MYO3A: variants seen among roughly 807,000 people sequenced by gnomAD.
The protein encoded by MYO3A is myosin-IIIa.
In MYO3A, 180 loss-of-function variants were observed where a neutral mutation model predicts 192.7. The observed-to-expected ratio is 0.93, with a 90% CI of 0.83 to 1.06. MYO3A has a LOEUF of 1.06. Among genes scored for constraint, MYO3A ranks in the 50% least tolerant of loss-of-function variants. MYO3A has a pLI of 0.00. For missense variants in MYO3A, 1,896 were observed against 1,905.0 expected, an observed-to-expected ratio of 1.00 and a Z score of 0.09; for synonymous variants, 628 against 645.3, an observed-to-expected ratio of 0.97 and a Z score of 0.41.
At chr10:26,005,920 G>A (rs1182044812) in intron 6 of MYO3A, among the ~76,000 whole-genome samples, 1 of 151,950 alleles carries the variant, frequency 6.6e-6, no homozygotes, top group Admixed American at 6.6e-5. Flanking sequence ...TATTTGAAAG[G>A]CAAGGTCTTT....
At chr10:26,054,474 A>T (rs1164962788) in intron 10 of MYO3A, among the ~76,000 whole-genome samples, 1 of 152,086 alleles carries the variant, frequency 6.6e-6, no homozygotes, top group African/African-American at 2.4e-5. Context: ...TATTCTGTAC[A>T]TTTTCCATTT....
intron 10 of MYO3A, among the ~76,000 whole-genome samples, chr10:26,032,687 G>A (rs972314180): frequency 3.3e-5 from 5 of 151,938 alleles, no homozygotes; most frequent in East Asian, 1.9e-4. Context: ...CTTATTAGGC[G>A]TGGGACTTTA....
chr10:26,165,813 G>C, intron 26 of MYO3A: 1 of 566,362 alleles, frequency 1.8e-6, no homozygotes, highest in Non-Finnish European at 3.1e-6. Flanking sequence ...TGTCAGGGGA[G>C]TGCAGTATTA....
intron 11 of MYO3A, 125 bp downstream of exon 11, chr10:26,067,199 C>T: frequency 1.5e-6 from 1 of 675,530 alleles, no homozygotes; most frequent in Non-Finnish European, 2.6e-6. Flanking sequence ...TCTTAACACT[C>T]ACTCTGCCCA....
intron 10 of MYO3A, among the ~76,000 whole-genome samples, chr10:26,048,794 G>C (rs530932228): frequency 3.9e-5 from 6 of 152,294 alleles, no homozygotes; most frequent in African/African-American, 1.4e-4. Flanking sequence ...GACTTCAGGG[G>C]AGAAATCCAT....
chr10:26,210,137 A>AG (rs1844158204), intron 34 of MYO3A, among the ~76,000 whole-genome samples: 1 of 79,916 alleles, frequency 1.3e-5, no homozygotes, highest in Non-Finnish European at 2.2e-5. Context: ...GAGGGAGGGA[A>AG]GGAAGGAAGG....
chr10:26,120,637 A>G (rs1014330652), intron 17 of MYO3A, 39 bp from the exon 18 acceptor site: 1 of 1,613,170 alleles, frequency 6.2e-7, no homozygotes. Flanking sequence ...GCTGTACTCA[A>G]GGAAAGAATG....
At chr10:26,096,862 A>G (rs1314257407) in intron 17 of MYO3A, among the ~76,000 whole-genome samples, 180 bp downstream of exon 17, 1 of 151,772 alleles carries the variant, frequency 6.6e-6, no homozygotes, top group East Asian at 1.9e-4. Context: ...AGTGGCCTTG[A>G]GATATAATTG....
At position 26,024,000 on chromosome 10, in the gene MYO3A, A is replaced by G. The variant is rs376456076; in HGVS notation, c.732-22A>G. ...CTGACTGACCAATATACAGAATCCA[A>G]CATTGATTCTTATTTTTCTAGGAAT... On this transcript the variant is annotated intron_variant, in intron 8 of 34. Coordinates refer to ENST00000642920, the MANE Select transcript of MYO3A (RefSeq NM_017433.5). 5.0e-6 allele frequency: 8 copies of G among 1,600,580 alleles called. No individual in the cohort carries two copies. In the African/African-American group the frequency reaches 1.1e-4, roughly 21 times the overall value.
At chr10:26,121,988 G>A (rs905489838) in intron 18 of MYO3A, among the ~76,000 whole-genome samples, 3 of 152,142 alleles carry the variant, frequency 2.0e-5, no homozygotes, top group African/African-American at 2.4e-5. Context: ...TGACCGGCAT[G>A]TGCCTGGAAA....
chr10:26,198,609 G>C (rs976445482), intron 32 of MYO3A, among the ~76,000 whole-genome samples: 2 of 152,180 alleles, frequency 1.3e-5, no homozygotes, highest in Non-Finnish European at 2.9e-5. Flanking sequence ...AGGAAAGTAA[G>C]ATTGTGCTCA....
intron 14 of MYO3A, among the ~76,000 whole-genome samples, chr10:26,074,106 A>G (rs907414453): frequency 6.6e-6 from 1 of 152,182 alleles, no homozygotes; most frequent in Non-Finnish European, 1.5e-5. Flanking sequence ...ACTGTTTACA[A>G]TTTATGCCTG....
chr10:25,989,387 C>T (rs931553553), intron 4 of MYO3A, among the ~76,000 whole-genome samples: 2 of 151,994 alleles, frequency 1.3e-5, no homozygotes, highest in Non-Finnish European at 2.9e-5. Flanking sequence ...TATTCGGCTT[C>T]CAGGGCAGCA....
chr10:26,049,187 T>C (rs1843815050), intron 10 of MYO3A, among the ~76,000 whole-genome samples: 1 of 152,176 alleles, frequency 6.6e-6, no homozygotes, highest in South Asian at 2.1e-4. Flanking sequence ...CAAGATGACA[T>C]ACTCATTGAT....
At chr10:25,938,630 A>G (rs767800353) in intron 2 of MYO3A, among the ~76,000 whole-genome samples, 12 of 152,180 alleles carry the variant, frequency 7.9e-5, no homozygotes, top group Non-Finnish European at 1.5e-4. Context: ...GTGGGTCCAT[A>G]AAGGGAAGGA....
At chr10:25,939,853 A>G (rs1836361642) in intron 2 of MYO3A, among the ~76,000 whole-genome samples, 1 of 145,610 alleles carries the variant, frequency 6.9e-6, no homozygotes, top group African/African-American at 2.5e-5. Context: ...TAAAATTGTG[A>G]ATTTATTTCT....
chr10:26,110,932 A>G (rs1217843131), intron 17 of MYO3A, among the ~76,000 whole-genome samples: 3 of 147,846 alleles, frequency 2.0e-5, no homozygotes, highest in African/African-American at 7.5e-5. Flanking sequence ...GTGCAGTAGT[A>G]CAGCTCACTG....
intron 14 of MYO3A, 76 bp downstream of exon 14, chr10:26,070,477 A>G: frequency 8.1e-7 from 1 of 1,242,120 alleles, no homozygotes; most frequent in Non-Finnish European, 1.2e-6. Context: ...GATTAGATTA[A>G]TATTCTCTAG....
At chr10:26,112,341 G>A (rs1243447855) in intron 17 of MYO3A, among the ~76,000 whole-genome samples, 1 of 152,150 alleles carries the variant, frequency 6.6e-6, no homozygotes, top group Non-Finnish European at 1.5e-5. Context: ...CCATCTAACA[G>A]CAGAAACTGT....
Sources: allele counts gnomAD v4.1 joint callset (sites outside exome capture counted in the v4.1 genomes callset), GRCh38; gene constraint gnomAD v4.1.1; transcripts MANE v1.5; gene names NCBI Gene and HGNC (gene_info 2026-07-23, HGNC 2026-07-21).